Variants in CELF2 observed in about 807,000 individuals in gnomAD.
The protein encoded by CELF2 is CUG triplet repeat RNA-binding protein 2.
A neutral mutation model predicts 62.6 loss-of-function variants in CELF2; 8 were observed. That is an observed-to-expected ratio of 0.13 (90% CI 0.07 to 0.23). The LOEUF (loss-of-function observed/expected upper bound fraction) is 0.23. CELF2 is among the 10% of genes least tolerant of loss of function. CELF2 has a pLI of 1.00. For synonymous variants in CELF2, 258 were observed against 250.0 expected, an observed-to-expected ratio of 1.03 and a Z score of -0.30; for missense variants, 333 against 671.0, an observed-to-expected ratio of 0.50 and a Z score of 5.56.
chr10:11,033,232 C>T (rs1391197205), intron 1 of CELF2, among the ~76,000 whole-genome samples: 1 of 150,526 alleles, frequency 6.6e-6, no homozygotes, highest in Non-Finnish European at 1.5e-5. Flanking sequence ...CTGTGAATCA[C>T]AAATACTGTC....
chr10:10,846,699 T>C (rs530777880), intron 1 of CELF2, among the ~76,000 whole-genome samples: 96 of 152,330 alleles, frequency 6.3e-4, no homozygotes, highest in African/African-American at 2.2e-3. Context: ...GAGCTCACAT[T>C]TAACACTGAG....
In CELF2 at chr10:11,070,221, A is replaced by G. The variant is rs1448385494; in HGVS notation, c.74+52058A>G. 2.0e-5 allele frequency among the ~76,000 whole-genome samples: 3 copies of G among 152,298 alleles called. No homozygotes were observed. The East Asian group carries it at 5.8e-4, about 29-fold the overall frequency. Reference sequence around the variant, plus strand: ...GAGGAGGGAAGAGAATTTCAGGTAGAGAGAACAACACATGCAAAGGACTCA... The same window carrying G: ...GAGGAGGGAAGAGAATTTCAGGTAGGGAGAACAACACATGCAAAGGACTCA... On this transcript the variant is annotated intron_variant, in intron 1 of 12. Coordinates refer to ENST00000633077, the MANE Select transcript of CELF2 (RefSeq NM_001326342.2).
At chr10:10,582,876 G>A in the CELF2 span, among the ~76,000 whole-genome samples, 48,038 of 152,040 alleles carry the variant, frequency 0.32, 7,986 homozygotes, top group East Asian at 0.6. Context: ...CAAATACTGT[G>A]TAGAATTTAG....
the CELF2 span, among the ~76,000 whole-genome samples, chr10:10,541,531 C>G: frequency 9.9e-5 from 15 of 152,194 alleles, no homozygotes; most frequent in African/African-American, 3.4e-4. Context: ...GTGGGTTATT[C>G]ATAAGTTTTC....
chr10:10,509,663 C>T, the CELF2 span, among the ~76,000 whole-genome samples: 734 of 152,284 alleles, frequency 4.8e-3, 6 homozygotes, highest in African/African-American at 0.017. Context: ...AGGAAGAAAA[C>T]CTTTGACTCT....
At chr10:10,973,853 C>A (rs927761357) in intron 2 of CELF2, among the ~76,000 whole-genome samples, 1 of 152,196 alleles carries the variant, frequency 6.6e-6, no homozygotes, top group Non-Finnish European at 1.5e-5. Flanking sequence ...CAGGCATTAG[C>A]CACCCTGCCT....
intron 3 of CELF2, among the ~76,000 whole-genome samples, chr10:11,238,481 T>G (rs2072438794): frequency 6.6e-6 from 1 of 152,262 alleles, no homozygotes; most frequent in South Asian, 2.1e-4. Flanking sequence ...AAATAAAAAC[T>G]AGTTTTGCTT....
the CELF2 span, among the ~76,000 whole-genome samples, chr10:10,515,694 C>G: frequency 2.0e-5 from 3 of 152,106 alleles, no homozygotes; most frequent in African/African-American, 7.2e-5. Context: ...CAAGACAAGC[C>G]AAGTTGGAAA....
At chr10:10,640,506 C>T in the CELF2 span, among the ~76,000 whole-genome samples, 1 of 152,190 alleles carries the variant, frequency 6.6e-6, no homozygotes, top group Admixed American at 6.5e-5. Context: ...TTTGCTCTGC[C>T]CTTCCTTTGG....
intron 2 of CELF2, among the ~76,000 whole-genome samples, chr10:11,167,634 C>T (rs1261969405): frequency 6.6e-6 from 1 of 152,138 alleles, no homozygotes; most frequent in East Asian, 1.9e-4. Context: ...CATTTTTTAC[C>T]AGCCTATATT....
Position 11,156,638 on chromosome 10 carries a change from G to A in CELF2, c.75-8848G>A, listed in dbSNP as rs926778621. Among the ~76,000 whole-genome samples, 4 of 152,080 alleles carry A rather than the reference G, an allele frequency of 2.6e-5. No individual in the cohort carries two copies. The highest frequency in any genetic ancestry group is 2.0e-4 in the Admixed American group (3 of 15,284). The stretch of plus-strand genomic sequence containing the variant: ...CCAGCTCCTTGAATTTGTCAGACTC[G>A]CGTCATAAATATGATTAAGTGAATG... On this transcript the variant is annotated intron_variant, in intron 1 of 12. Transcript: ENST00000633077. The surrounding 1 kb of genome is among the most constrained non-coding windows in gnomAD (Gnocchi z 4.3).
chr10:10,891,968 C>T (rs74942556), intron 1 of CELF2, among the ~76,000 whole-genome samples: 2,355 of 152,276 alleles, frequency 0.015, 59 homozygotes, highest in African/African-American at 0.051. Flanking sequence ...AGCAGCATTG[C>T]TTGCAAGGCT....
At chr10:10,827,109 G>T (rs2057457467) in intron 1 of CELF2, among the ~76,000 whole-genome samples, 1 of 152,080 alleles carries the variant, frequency 6.6e-6, no homozygotes, top group African/African-American at 2.4e-5. Context: ...TTGTTTGTTT[G>T]TTTGTTTGTT....
At chr10:10,650,540 GC>G in the CELF2 span, among the ~76,000 whole-genome samples, 66,827 of 151,902 alleles carry the variant, frequency 0.44, 15,098 homozygotes, top group South Asian at 0.71. Context: ...AATTGAAACA[GC>G]CTAAGCATTT....
chr10:10,860,306 A>G (rs900187451), intron 1 of CELF2, among the ~76,000 whole-genome samples: 2 of 152,268 alleles, frequency 1.3e-5, no homozygotes, highest in East Asian at 3.9e-4. Flanking sequence ...TTATTTGAAA[A>G]TAGTTTGACT....
At chr10:10,753,124 C>G in the CELF2 span, among the ~76,000 whole-genome samples, 1 of 151,992 alleles carries the variant, frequency 6.6e-6, no homozygotes, top group Non-Finnish European at 1.5e-5. Context: ...AAAAGGTAAG[C>G]ATTGCTTGGT....
the CELF2 span, among the ~76,000 whole-genome samples, chr10:10,786,132 G>C: frequency 1.3e-5 from 2 of 152,154 alleles, no homozygotes; most frequent in Non-Finnish European, 2.9e-5. Flanking sequence ...CTCTGGTAAA[G>C]CACTGGCTCC....
At chr10:11,200,221 C>G (rs932295210) in intron 2 of CELF2, among the ~76,000 whole-genome samples, 1 of 152,148 alleles carries the variant, frequency 6.6e-6, no homozygotes, top group Non-Finnish European at 1.5e-5. Flanking sequence ...TTCAGTCTGC[C>G]TACGAATTTG....
intron 1 of CELF2, among the ~76,000 whole-genome samples, chr10:10,903,496 A>G (rs2063097925): frequency 6.6e-6 from 1 of 152,242 alleles, no homozygotes; most frequent in African/African-American, 2.4e-5. Context: ...GAAGAAATTG[A>G]TCACGTTTCT....
Sources: allele counts gnomAD v4.1 joint callset (sites outside exome capture counted in the v4.1 genomes callset), GRCh38; gene constraint gnomAD v4.1.1; non-coding constraint Gnocchi (gnomAD v3.1); transcripts MANE v1.5; gene names NCBI Gene and HGNC (gene_info 2026-07-23, HGNC 2026-07-21).